PIBF1: variants seen among roughly 807,000 people sequenced by gnomAD.
PIBF1 encodes the protein progesterone immunomodulatory binding factor 1.
Under a neutral mutation model 112.5 loss-of-function variants are expected in PIBF1, and 90 were observed. The observed-to-expected ratio is 0.80, with a 90% CI of 0.67 to 0.95. The LOEUF (loss-of-function observed/expected upper bound fraction) is 0.95, where lower values mean the gene tolerates loss of function less well. PIBF1 is among the 40% of genes least tolerant of loss of function. The pLI, the probability that PIBF1 is intolerant of heterozygous loss-of-function variation, is 0.00. For missense variants in PIBF1, 915 were observed against 852.3 expected (o/e 1.07, Z -0.92); for synonymous variants, 301 against 288.6 (o/e 1.04, Z -0.44).
At chr13:72,797,684 A>G (rs2035261495) in intron 4 of PIBF1, among the ~76,000 whole-genome samples, 2 of 152,128 alleles carry the variant, frequency 1.3e-5, no homozygotes, top group Non-Finnish European at 2.9e-5. Flanking sequence ...AAGGGAGGAA[A>G]TACTGTCAAA....
At chr13:73,006,809 A>ATTT (rs955186762) in intron 17 of PIBF1, among the ~76,000 whole-genome samples, 1 of 152,124 alleles carries the variant, frequency 6.6e-6, no homozygotes, top group Non-Finnish European at 1.5e-5. Flanking sequence ...GTGACACAGA[A>ATTT]GTATCTATCT....
At chr13:72,948,765 T>C (rs1488658315) in intron 14 of PIBF1, among the ~76,000 whole-genome samples, 1 of 152,150 alleles carries the variant, frequency 6.6e-6, no homozygotes, top group Non-Finnish European at 1.5e-5. Flanking sequence ...GCAAACAACA[T>C]GTCTTTCTTC....
chr13:72,784,072 G>GTTAA (rs1204563386), intron 2 of PIBF1, among the ~76,000 whole-genome samples: 1 of 151,544 alleles, frequency 6.6e-6, no homozygotes, highest in Non-Finnish European at 1.5e-5. Context: ...CACAGCAGAT[G>GTTAA]TTAAGTGTTC....
intron 8 of PIBF1, among the ~76,000 whole-genome samples, chr13:72,830,291 G>A (rs925640743): frequency 6.6e-6 from 1 of 152,026 alleles, no homozygotes; most frequent in Non-Finnish European, 1.5e-5. Context: ...TGATTGCCCT[G>A]GCCAGAACTT....
chr13:72,839,978 C>G (rs1352479704), intron 9 of PIBF1, among the ~76,000 whole-genome samples: 1 of 152,126 alleles, frequency 6.6e-6, no homozygotes, highest in African/African-American at 2.4e-5. Context: ...CCCAGCCAGC[C>G]ACAGGGCTCA....
intron 10 of PIBF1, among the ~76,000 whole-genome samples, chr13:72,868,749 C>T (rs2039028655): frequency 6.7e-6 from 1 of 150,032 alleles, no homozygotes; most frequent in Admixed American, 6.7e-5. Context: ...TTTGGGAGGC[C>T]ATGGTGGGAG....
At chr13:72,931,742 A>ATATG (rs1491124760) in intron 14 of PIBF1, among the ~76,000 whole-genome samples, 2 of 142,064 alleles carry the variant, frequency 1.4e-5, no homozygotes, top group African/African-American at 5.1e-5. Context: ...ATATATATAT[A>ATATG]TGTATGCATT....
In PIBF1 at chr13:72,996,834, A is replaced by G. The variant is rs578155996; in HGVS notation, c.2050-1988A>G. On this transcript the variant is annotated intron_variant, in intron 16 of 17. Transcript: ENST00000326291. ...TACCATCGATATAAGTTGGATCATT[A>G]TATAAGCCAAACATAATAAAATTGA... is the stretch of plus-strand genomic sequence containing the variant. Among the ~76,000 whole-genome samples, 25 of 152,310 alleles carry G rather than the reference A, an allele frequency of 1.6e-4. No individual in the cohort carries two copies. In the South Asian group the frequency reaches 3.9e-3, roughly 24 times the overall value.
At chr13:72,936,417 T>G (rs1193559830) in intron 14 of PIBF1, among the ~76,000 whole-genome samples, 1 of 152,208 alleles carries the variant, frequency 6.6e-6, no homozygotes, top group Non-Finnish European at 1.5e-5. Context: ...GGTGTTGTAT[T>G]TTAAATATCT....
chr13:72,836,098 CAA>C (rs11382594), intron 9 of PIBF1: 160 of 386,104 alleles, frequency 4.1e-4, no homozygotes, highest in South Asian at 6.9e-4. Context: ...GACACCATCT[CAA>C]AAAAAAAAAA....
intron 14 of PIBF1, among the ~76,000 whole-genome samples, chr13:72,962,932 A>G (rs544253031): frequency 1.2e-4 from 18 of 152,354 alleles, no homozygotes; most frequent in African/African-American, 4.1e-4. Context: ...ATAAGGATGG[A>G]CATAAAAACC....
intron 16 of PIBF1, among the ~76,000 whole-genome samples, chr13:72,975,158 C>T (rs551410053): frequency 3.2e-4 from 48 of 150,838 alleles, no homozygotes; most frequent in African/African-American, 1.1e-3. Context: ...CGAGTTCAAG[C>T]GAATCTCTTG....
At chr13:72,875,149 A>T (rs1030066201) in intron 10 of PIBF1, among the ~76,000 whole-genome samples, 4 of 152,168 alleles carry the variant, frequency 2.6e-5, no homozygotes, top group African/African-American at 7.2e-5. Context: ...AAATGTCATA[A>T]TCATACAGTT....
chr13:72,874,836 C>T (rs964912415), intron 10 of PIBF1, among the ~76,000 whole-genome samples: 1 of 152,062 alleles, frequency 6.6e-6, no homozygotes, highest in Non-Finnish European at 1.5e-5. Context: ...TCATATAACC[C>T]CTACCCCTAC....
chr13:72,987,858 A>G (rs9573078), intron 16 of PIBF1, among the ~76,000 whole-genome samples: 2 of 58,136 alleles, frequency 3.4e-5, no homozygotes, highest in African/African-American at 1.9e-4. Flanking sequence ...TTATTTATTT[A>G]TTTTTTTTTT....
At chr13:72,948,647 A>C (rs1310493431) in intron 14 of PIBF1, among the ~76,000 whole-genome samples, 1 of 152,240 alleles carries the variant, frequency 6.6e-6, no homozygotes, top group Non-Finnish European at 1.5e-5. Flanking sequence ...TGCTGCTAAT[A>C]AAGACATACC....
rs562195274 is a variant in PIBF1 at position 72,866,749 on chromosome 13, G to A, written c.1322+12594G>A. Among the ~76,000 whole-genome samples the A allele has an allele frequency of 4.6e-5, 7 of 152,130 alleles. No individual in the cohort carries two copies. In the South Asian group the frequency reaches 1.5e-3, roughly 32 times the overall value. ...TAGCAATTAAATTTTGCTCTACTGTGTTTGAGATCCTTTAGATTTGGGATG... is the reference window on the plus strand; with the variant it reads ...TAGCAATTAAATTTTGCTCTACTGTATTTGAGATCCTTTAGATTTGGGATG... On this transcript the variant is annotated intron_variant, in intron 10 of 17. Transcript: ENST00000326291.
In PIBF1 at chr13:72,875,850, T is replaced by C. The variant is rs575659174; in HGVS notation, c.1323-17934T>C. On this transcript the variant is annotated intron_variant, in intron 10 of 17. Coordinates refer to ENST00000326291, the MANE Select transcript of PIBF1 (RefSeq NM_006346.4). Reference sequence around the variant, plus strand: ...TTTTGGATAACAACCCTTCGTGAGATAAGTATTTTGCAAGTATCTTCTCCC... The same window carrying C: ...TTTTGGATAACAACCCTTCGTGAGACAAGTATTTTGCAAGTATCTTCTCCC... 2.0e-5 allele frequency among the ~76,000 whole-genome samples: 3 copies of C among 152,312 alleles called. No homozygotes were observed. In the South Asian group the frequency reaches 6.2e-4, roughly 32 times the overall value.
intron 14 of PIBF1, among the ~76,000 whole-genome samples, chr13:72,949,398 C>T (rs1594253976): frequency 6.8e-6 from 1 of 146,550 alleles, no homozygotes; most frequent in Non-Finnish European, 1.5e-5. Flanking sequence ...TCACTGCAAC[C>T]TCTGCCTCCT....
Sources: gnomAD v4.1 joint callset for allele counts (sites outside exome capture counted in the v4.1 genomes callset) on GRCh38, gnomAD v4.1.1 for gene constraint, MANE v1.5 for transcripts, NCBI Gene and HGNC (gene_info 2026-07-23, HGNC 2026-07-21) for gene names.